Variants in SEC61A2 observed in about 807,000 individuals in gnomAD.
SEC61A2 encodes the protein protein transport protein Sec61 subunit alpha isoform 2.
A neutral mutation model predicts 59.9 loss-of-function variants in SEC61A2; 28 were observed. The ratio of observed to expected loss-of-function variants is 0.47; its 90% confidence interval spans 0.35 to 0.64. The LOEUF is 0.64. SEC61A2 is among the 30% of genes least tolerant of loss of function. The probability of loss-of-function intolerance (pLI) is 0.01; values close to 1 mark genes in which losing one functional copy is unlikely to be tolerated. For missense variants in SEC61A2, 340 were observed against 585.9 expected (o/e 0.58, Z 4.33); for synonymous variants, 202 against 214.4 (o/e 0.94, Z 0.50).
intron 4 of SEC61A2, among the ~76,000 whole-genome samples, chr10:12,147,320 C>T (rs1219104860): frequency 6.6e-6 from 1 of 152,120 alleles, no homozygotes; most frequent in Non-Finnish European, 1.5e-5. Context: ...GACTTTCTTG[C>T]CCAAGATGAT....
chr10:12,162,434 T>C lies in SEC61A2; in HGVS notation c.1244+145T>C. The C allele has an allele frequency of 1.2e-6, 1 of 821,644 alleles. No individual in the cohort carries two copies. Among genetic ancestry groups the C allele is most frequent in the Non-Finnish European group, 2.2e-6 (1 of 463,846 alleles). The allele number at this position is 821,644 out of a possible 1,614,324, so 50.9% of individuals were successfully genotyped here. ...ATCAAAATTTCACACAAAACTTGTTTTCCATGTCAAAACCAACACCTGAAT... is the reference window on the plus strand; with the variant it reads ...ATCAAAATTTCACACAAAACTTGTTCTCCATGTCAAAACCAACACCTGAAT... On this transcript the variant is annotated intron_variant, in intron 11 of 11. Transcript: ENST00000298428. The surrounding 1 kb of genome is among the most constrained non-coding windows in gnomAD (Gnocchi z 6.1).
At position 12,158,232 on chromosome 10, in the gene SEC61A2, C is replaced by T; in HGVS notation, c.975+127C>T. 1.3e-6 allele frequency: 1 copy of T among 756,122 alleles called. No homozygotes were observed. The highest frequency in any genetic ancestry group is 2.1e-6 in the Non-Finnish European group (1 of 467,004). 46.8% of individuals were successfully genotyped at this position (756,122 alleles called of 1,614,324 possible). A position where few individuals can be genotyped will look rare whatever the true frequency, so the allele number is the denominator to read the frequency against. ...TTTTCAGATTCACTTACCTATATAG[C>T]AGAGTTTAGTACTTATCTGGAAGAA... On this transcript the variant is annotated intron_variant, in intron 9 of 11. Coordinates refer to ENST00000298428, the MANE Select transcript of SEC61A2 (RefSeq NM_018144.4). This position sits in a 1 kb window ranked among gnomAD's most constrained non-coding sequence, Gnocchi z 5.7.
chr10:12,141,206 T>G (rs1334747161), intron 3 of SEC61A2, among the ~76,000 whole-genome samples: 1 of 152,174 alleles, frequency 6.6e-6, no homozygotes, highest in Non-Finnish European at 1.5e-5. Flanking sequence ...GGCCCTCACC[T>G]CTCACTTTAA....
In SEC61A2 at chr10:12,153,703, G is replaced by T. The variant is rs768598883; in HGVS notation, c.463-2075G>T. On this transcript the variant is annotated intron_variant, in intron 6 of 11. Transcript: ENST00000298428. The surrounding 1 kb of genome is among the most constrained non-coding windows in gnomAD (Gnocchi z 5.2). ...ATAAAGAGGGGTGTCATGTTTGATT[G>T]TAGGTGGGCAGTGACCCATTGGTGT... The T allele has an allele frequency of 6.2e-7, 1 of 1,603,966 alleles. No homozygotes were observed. The highest frequency in any genetic ancestry group is 1.1e-5 in the South Asian group (1 of 88,934).
chr10:12,150,923 T>A (rs1021179418), intron 6 of SEC61A2, among the ~76,000 whole-genome samples: 1 of 152,002 alleles, frequency 6.6e-6, no homozygotes, highest in African/African-American at 2.4e-5. Context: ...TACAGGTGCC[T>A]GCCACCACGC....
intron 3 of SEC61A2, among the ~76,000 whole-genome samples, chr10:12,137,752 A>G (rs963587641): frequency 3.3e-5 from 5 of 152,176 alleles, no homozygotes; most frequent in African/African-American, 4.8e-5. Context: ...CATGCCTGTA[A>G]TCCCAGCACT....
rs1174121913 is a variant in SEC61A2 at position 12,154,331 on chromosome 10, C to T, written c.463-1447C>T. 1.3e-5 allele frequency among the ~76,000 whole-genome samples: 2 copies of T among 152,100 alleles called. No individual in the cohort carries two copies. Among genetic ancestry groups the T allele is most frequent in the East Asian group, 3.9e-4 (2 of 5,190 alleles). On this transcript the variant is annotated intron_variant, in intron 6 of 11. Transcript: ENST00000298428. The surrounding 1 kb of genome is among the most constrained non-coding windows in gnomAD (Gnocchi z 5.2). ...GACATATGTGAACCACTCTGTAGTC[C>T]GATGGTCACTGTTCTGAACAGGGGG...
chr10:12,131,682 CTTTTTTTTTTTTTTTTTT>C (rs1199525836), intron 1 of SEC61A2, among the ~76,000 whole-genome samples: 526 of 46,574 alleles, frequency 0.011, 11 homozygotes, highest in African/African-American at 0.035. Flanking sequence ...GATTACATAC[CTTTTTTTTTTTTTTTTTT>C]TTTTTTTTTT....
chr10:12,131,682 C>CTTTTTTTTTTT (rs1199525836), intron 1 of SEC61A2, among the ~76,000 whole-genome samples: 2 of 46,554 alleles, frequency 4.3e-5, no homozygotes, highest in Non-Finnish European at 8.1e-5. Flanking sequence ...GATTACATAC[C>CTTTTTTTTTTT]TTTTTTTTTT....
intron 6 of SEC61A2, 100 bp downstream of exon 6, chr10:12,150,061 C>G (rs962095657): frequency 1.3e-6 from 1 of 789,074 alleles, no homozygotes; most frequent in African/African-American, 1.7e-5. Context: ...CATTTTCTTA[C>G]TTTTGAATTA....
In SEC61A2 at chr10:12,154,945, TC is replaced by T. The variant is rs2131674205; in HGVS notation, c.463-831del. Among the ~76,000 whole-genome samples, 1 of 152,280 alleles carries T rather than the reference TC, an allele frequency of 6.6e-6. No homozygotes were observed. Among genetic ancestry groups the T allele is most frequent in the African/African-American group, 2.4e-5 (1 of 41,560 alleles). On this transcript the variant is annotated intron_variant, in intron 6 of 11. Coordinates refer to ENST00000298428, the MANE Select transcript of SEC61A2 (RefSeq NM_018144.4). The surrounding 1 kb of genome is among the most constrained non-coding windows in gnomAD (Gnocchi z 5.2). ...TTGGGGGCATGGAAGCATATTTTCTTCCTGTCTTGATTAGGTTATTTGAGTG... is the reference window on the plus strand; with the variant it reads ...TTGGGGGCATGGAAGCATATTTTCTTCTGTCTTGATTAGGTTATTTGAGTG...
chr10:12,169,518 C>G, downstream of SEC61A2: 1 of 518,984 alleles, frequency 1.9e-6, no homozygotes, highest in Non-Finnish European at 3.4e-6. This position sits in a 1 kb window ranked among gnomAD's most constrained non-coding sequence, Gnocchi z 4.8. Flanking sequence ...CTCCGAGCTG[C>G]GCTGCCTCGT....
chr10:12,132,274 C>G (rs1440223490), intron 1 of SEC61A2, among the ~76,000 whole-genome samples: 1 of 150,822 alleles, frequency 6.6e-6, no homozygotes, highest in Non-Finnish European at 1.5e-5. Context: ...GCACTCCAGC[C>G]TGGACCACAG....
In SEC61A2 at chr10:12,143,295, A is replaced by C; in HGVS notation, c.220+100A>C. ...TTCAATGTCTACAGGGAGGGGGAGGATATCATTGCCTAGAAAAGCCTAGTA... is the reference window on the plus strand; with the variant it reads ...TTCAATGTCTACAGGGAGGGGGAGGCTATCATTGCCTAGAAAAGCCTAGTA... On this transcript the variant is annotated intron_variant, in intron 4 of 11. Coordinates refer to ENST00000298428, the MANE Select transcript of SEC61A2 (RefSeq NM_018144.4). This position sits in a 1 kb window ranked among gnomAD's most constrained non-coding sequence, Gnocchi z 4.8. The C allele has an allele frequency of 1.2e-6, 1 of 850,574 alleles. No homozygotes were observed. Among genetic ancestry groups the C allele is most frequent in the South Asian group, 1.3e-5 (1 of 74,122 alleles). 52.7% of individuals were successfully genotyped at this position (850,574 alleles called of 1,614,324 possible). A position where few individuals can be genotyped will look rare whatever the true frequency, so the allele number is the denominator to read the frequency against.
chr10:12,165,622 C>T (rs1458992485), downstream of SEC61A2: 1 of 152,380 alleles, frequency 6.6e-6, no homozygotes, highest in Admixed American at 6.5e-5. Context: ...TCCCAGTCTC[C>T]ATTTGAAAGA....
chr10:12,167,903 T>G, downstream of SEC61A2: 1 of 1,558,672 alleles, frequency 6.4e-7, no homozygotes, highest in South Asian at 1.2e-5. Context: ...GGTACTACTA[T>G]ATGTCACTTC....
At chr10:12,169,236 A>G (rs748458271), downstream of SEC61A2, 35 of 1,516,436 alleles carry the variant, frequency 2.3e-5, no homozygotes, top group Admixed American at 3.8e-4. The surrounding 1 kb of genome is among the most constrained non-coding windows in gnomAD (Gnocchi z 4.8). Flanking sequence ...CACTTATTCT[A>G]TTTTTTTCTC....
At position 12,143,932 on chromosome 10, in the gene SEC61A2, G is replaced by A. The variant is rs1331593400; in HGVS notation, c.220+737G>A. Among the ~76,000 whole-genome samples, 1 of 152,020 alleles carries A rather than the reference G, an allele frequency of 6.6e-6. No individual in the cohort carries two copies. Among genetic ancestry groups the A allele is most frequent in the Non-Finnish European group, 1.5e-5 (1 of 68,002 alleles). ...CTCTTTTTTGGAAACACTTTTTTCAGGCGATCCTCCCACTTCAGCCTCCTG... is the reference window on the plus strand; with the variant it reads ...CTCTTTTTTGGAAACACTTTTTTCAAGCGATCCTCCCACTTCAGCCTCCTG... On this transcript the variant is annotated intron_variant, in intron 4 of 11. Coordinates refer to ENST00000298428, the MANE Select transcript of SEC61A2 (RefSeq NM_018144.4). This position sits in a 1 kb window ranked among gnomAD's most constrained non-coding sequence, Gnocchi z 4.8.
At position 12,155,733 on chromosome 10, in the gene SEC61A2, T is replaced by TGAGTTTGTTCTTG; in HGVS notation, c.463-44_463-32dup. ...CAATGGTGTTCCTCTCCCCCTTTCTTGAGTTTGTTCTTGCTTCCGCTTACT... is the reference window on the plus strand; with the variant it reads ...CAATGGTGTTCCTCTCCCCCTTTCTTGAGTTTGTTCTTGGAGTTTGTTCTTGCTTCCGCTTACT... On this transcript the variant is annotated intron_variant, in intron 6 of 11. Transcript: ENST00000298428. The surrounding 1 kb of genome is among the most constrained non-coding windows in gnomAD (Gnocchi z 4.3). The TGAGTTTGTTCTTG allele has an allele frequency of 6.2e-7, 1 of 1,609,624 alleles. No homozygotes were observed.
Sources: gnomAD v4.1 joint callset for allele counts (sites outside exome capture counted in the v4.1 genomes callset) on GRCh38, gnomAD v4.1.1 for gene constraint, Gnocchi (gnomAD v3.1) non-coding constraint, MANE v1.5 for transcripts, NCBI Gene and HGNC (gene_info 2026-07-23, HGNC 2026-07-21) for gene names.